Variants in PCDH9 observed in about 807,000 individuals in gnomAD.
PCDH9 encodes the protein protocadherin 9, also known as protocadherin-9.
In PCDH9, 24 loss-of-function variants were observed where a neutral mutation model predicts 70.6. The ratio of observed to expected loss-of-function variants is 0.34; its 90% confidence interval spans 0.25 to 0.48. The LOEUF (loss-of-function observed/expected upper bound fraction) is 0.48. PCDH9 is among the 20% of genes least tolerant of loss of function. The probability of loss-of-function intolerance (pLI) is 0.99; values close to 1 mark genes in which losing one functional copy is unlikely to be tolerated. For missense variants in PCDH9, 1,281 were observed against 1,503.6 expected (o/e 0.85, Z 2.45); for synonymous variants, 562 against 558.5 (o/e 1.01, Z -0.09).
At chr13:67,153,423 G>GC (rs1205677705) in intron 2 of PCDH9, among the ~76,000 whole-genome samples, 8 of 151,994 alleles carry the variant, frequency 5.3e-5, no homozygotes, top group Non-Finnish European at 8.8e-5. Context: ...TCCCACCTTG[G>GC]CTTCCCAAGC....
At chr13:66,906,564 C>G (rs1566282648) in intron 2 of PCDH9, among the ~76,000 whole-genome samples, 2 of 152,104 alleles carry the variant, frequency 1.3e-5, no homozygotes, top group African/African-American at 4.8e-5. Flanking sequence ...TAAGTCCTTC[C>G]ATCCCTAAAA....
intron 3 of PCDH9, among the ~76,000 whole-genome samples, chr13:66,797,786 T>C (rs1051460110): frequency 6.6e-6 from 1 of 152,088 alleles, no homozygotes; most frequent in African/African-American, 2.4e-5. Flanking sequence ...TCACTGTATA[T>C]AGAAAAGGAC....
chr13:66,368,849 G>T (rs1269054173), intron 4 of PCDH9, among the ~76,000 whole-genome samples: 1 of 152,014 alleles, frequency 6.6e-6, no homozygotes, highest in Non-Finnish European at 1.5e-5. Flanking sequence ...GAGAGAGCTT[G>T]TGCAGGGAAA....
At chr13:66,347,538 TA>T (rs768530826) in intron 4 of PCDH9, among the ~76,000 whole-genome samples, 2 of 152,188 alleles carry the variant, frequency 1.3e-5, no homozygotes, top group Non-Finnish European at 2.9e-5. Flanking sequence ...CTTCAGAAAT[TA>T]TCTACAAACA....
intron 4 of PCDH9, among the ~76,000 whole-genome samples, chr13:66,385,878 T>C (rs545864735): frequency 1.3e-5 from 2 of 152,130 alleles, no homozygotes; most frequent in Non-Finnish European, 2.9e-5. Flanking sequence ...TATGTCAATC[T>C]TGAGAGAAAC....
chr13:66,946,893 A>C (rs1490118505), intron 2 of PCDH9, among the ~76,000 whole-genome samples: 3 of 152,156 alleles, frequency 2.0e-5, no homozygotes, highest in Non-Finnish European at 4.4e-5. Flanking sequence ...TACAAAATTT[A>C]TGTTGAATAA....
intron 4 of PCDH9, among the ~76,000 whole-genome samples, chr13:66,480,074 G>A (rs1958810250): frequency 1.3e-5 from 2 of 152,176 alleles, no homozygotes; most frequent in Non-Finnish European, 2.9e-5. Flanking sequence ...AAGTCAGTGA[G>A]ACCAAGAACC....
intron 3 of PCDH9, among the ~76,000 whole-genome samples, chr13:66,717,324 T>A (rs562889638): frequency 3.3e-5 from 5 of 150,766 alleles, no homozygotes; most frequent in Non-Finnish European, 5.9e-5. Flanking sequence ...TAGTGGCTAG[T>A]GCCTATAATC....
At chr13:67,095,405 TTTAAGA>T (rs1490378128) in intron 2 of PCDH9, among the ~76,000 whole-genome samples, 1 of 152,162 alleles carries the variant, frequency 6.6e-6, no homozygotes, top group African/African-American at 2.4e-5. Context: ...AAGTAATATA[TTTAAGA>T]TTATCAGGGT....
chr13:66,398,690 T>G (rs1466557593), intron 4 of PCDH9, among the ~76,000 whole-genome samples: 1 of 152,206 alleles, frequency 6.6e-6, no homozygotes. Context: ...CAATTCACTA[T>G]TCATGTCAAT....
chr13:66,526,580 C>T (rs560345428), intron 4 of PCDH9, among the ~76,000 whole-genome samples: 1 of 152,024 alleles, frequency 6.6e-6, no homozygotes, highest in East Asian at 1.9e-4. Flanking sequence ...CCCTGTAGAT[C>T]ACAAATATTT....
chr13:66,789,290 C>G (rs1319738038), intron 3 of PCDH9, among the ~76,000 whole-genome samples: 3 of 152,096 alleles, frequency 2.0e-5, no homozygotes, highest in African/African-American at 7.2e-5. Context: ...TAACCAGCAC[C>G]CTTTCACCTC....
At chr13:66,439,348 G>C (rs1957932570) in intron 4 of PCDH9, among the ~76,000 whole-genome samples, 1 of 152,010 alleles carries the variant, frequency 6.6e-6, no homozygotes, top group South Asian at 2.1e-4. Context: ...TTTTTTAGCT[G>C]ATTAAAAAAT....
chr13:66,501,028 A>G (rs1251697841), intron 4 of PCDH9, among the ~76,000 whole-genome samples: 1 of 152,138 alleles, frequency 6.6e-6, no homozygotes, highest in Non-Finnish European at 1.5e-5. Context: ...TATTTCAAAC[A>G]GCTGAATTAA....
chr13:66,969,923 T>C (rs2083490717), intron 2 of PCDH9, among the ~76,000 whole-genome samples: 1 of 152,014 alleles, frequency 6.6e-6, no homozygotes, highest in East Asian at 1.9e-4. Flanking sequence ...AAGTCTTAAA[T>C]CAATCATATT....
Position 66,891,816 on chromosome 13 carries a change from AT to A in PCDH9, c.3138+11687del, listed in dbSNP as rs112732868. 3.9e-3 allele frequency among the ~76,000 whole-genome samples: 578 copies of A among 147,664 alleles called. 2 individuals carry two copies. The highest frequency in any genetic ancestry group is 0.011 in the African/African-American group (452 of 40,500). On this transcript the variant is annotated intron_variant, in intron 3 of 4. Coordinates refer to ENST00000377865, the MANE Select transcript of PCDH9 (RefSeq NM_203487.3). The stretch of plus-strand genomic sequence containing the variant: ...TCACTATAAACTCTACATGTATTCC[AT>A]TTTTTTTTTGTTTTGTTTTATGTTT...
chr13:66,592,408 T>C (rs1192791073), intron 4 of PCDH9, among the ~76,000 whole-genome samples: 1 of 151,716 alleles, frequency 6.6e-6, no homozygotes, highest in Non-Finnish European at 1.5e-5. Context: ...TAATTGATGG[T>C]TCAGAACTTT....
At chr13:66,645,368 T>C (rs2077757995) in intron 3 of PCDH9, among the ~76,000 whole-genome samples, 1 of 152,022 alleles carries the variant, frequency 6.6e-6, no homozygotes, top group Admixed American at 6.6e-5. Flanking sequence ...AAAGAAGAAG[T>C]TGAAAATCAA....
At chr13:67,080,374 G>GT (rs2085959811) in intron 2 of PCDH9, among the ~76,000 whole-genome samples, 2 of 152,008 alleles carry the variant, frequency 1.3e-5, no homozygotes. Flanking sequence ...TCCTATCCAC[G>GT]TATTTCACCT....
Sources: gnomAD v4.1 joint callset for allele counts (sites outside exome capture counted in the v4.1 genomes callset) on GRCh38, gnomAD v4.1.1 for gene constraint, MANE v1.5 for transcripts, NCBI Gene and HGNC (gene_info 2026-07-23, HGNC 2026-07-21) for gene names.